Variants in MYBL1 observed in about 807,000 individuals in gnomAD.
The protein encoded by MYBL1 is MYB proto-oncogene like 1.
Under a neutral mutation model 96.3 loss-of-function variants are expected in MYBL1, and 17 were observed. That is an observed-to-expected ratio of 0.18 (90% CI 0.12 to 0.26). The LOEUF (loss-of-function observed/expected upper bound fraction) is 0.26. MYBL1 is among the 10% of genes least tolerant of loss of function. The probability of loss-of-function intolerance (pLI) is 1.00; values close to 1 mark genes in which losing one functional copy is unlikely to be tolerated. For synonymous variants in MYBL1, 282 were observed against 292.7 expected (o/e 0.96, Z 0.37); for missense variants, 701 against 882.9 (o/e 0.79, Z 2.61).
rs753844511 is a variant in MYBL1 at position 66,613,009 on chromosome 8, G to C, written c.-171C>G. On this transcript the variant is annotated 5_prime_UTR_variant, in exon 1 of 16. Transcript: ENST00000522677. ...AGGGCAGGACGGAGGGACAGCGGGGGCGGACCGCGACCCGACCCCGACCCC... is the reference window on the plus strand; with the variant it reads ...AGGGCAGGACGGAGGGACAGCGGGGCCGGACCGCGACCCGACCCCGACCCC... 1 of 740,498 alleles carries C rather than the reference G, an allele frequency of 1.4e-6. No homozygotes were observed. Among genetic ancestry groups the C allele is most frequent in the African/African-American group, 1.8e-5 (1 of 54,988 alleles). 45.9% of individuals were successfully genotyped at this position (740,498 alleles called of 1,614,324 possible).
chr8:66,601,399 C>G (rs1404573450), intron 3 of MYBL1, among the ~76,000 whole-genome samples: 1 of 151,958 alleles, frequency 6.6e-6, no homozygotes, highest in African/African-American at 2.4e-5. Context: ...ATATTTCTCA[C>G]AGAATGTTTT....
intron 8 of MYBL1, among the ~76,000 whole-genome samples, chr8:66,582,339 G>GA (rs1490179316): frequency 1.3e-5 from 2 of 151,820 alleles, no homozygotes; most frequent in Non-Finnish European, 2.9e-5. Flanking sequence ...TAAAAGGATG[G>GA]AAAAAGATAT....
intron 9 of MYBL1, 45 bp downstream of exon 9, chr8:66,580,088 A>G (rs1563534649): frequency 2.2e-6 from 3 of 1,378,628 alleles, no homozygotes; most frequent in Admixed American, 2.0e-5. Context: ...ATGAAATCAT[A>G]TAACTAAAAT....
chr8:66,601,789 A>C lies in MYBL1; in HGVS notation c.127-20T>G. ...ATCATCCTATTAAAACAGTACAAAA[A>C]TTAGAAAGCTTTCCCCCCGTCCTTT... On this transcript the variant is annotated intron_variant, in intron 2 of 15. Transcript: ENST00000522677. 2 of 1,355,060 alleles carry C rather than the reference A, an allele frequency of 1.5e-6. No individual in the cohort carries two copies. Among genetic ancestry groups the C allele is most frequent in the South Asian group, 1.3e-5 (1 of 75,064 alleles). The allele number at this position is 1,355,060 out of a possible 1,614,324, so 83.9% of individuals were successfully genotyped here.
rs933140796 is a variant in MYBL1 at position 66,613,099 on chromosome 8, G to A, written c.-261C>T. 9 of 404,780 alleles carry A rather than the reference G, an allele frequency of 2.2e-5. No individual in the cohort carries two copies. Among genetic ancestry groups the A allele is most frequent in the Middle Eastern group, 3.4e-4 (1 of 2,952 alleles). The allele number at this position is 404,780 out of a possible 1,614,324, so 25.1% of individuals were successfully genotyped here. A position where few individuals can be genotyped will look rare whatever the true frequency, so the allele number is the denominator to read the frequency against. ...AGGGATACCCCCAACATGTCAGGAG[G>A]CGCGATCCCGCCCTCCGCCGGCTTC... is the stretch of plus-strand genomic sequence containing the variant. On this transcript the variant is annotated 5_prime_UTR_variant, in exon 1 of 16. Transcript: ENST00000522677.
At chr8:66,611,952 G>A (rs1486132330) in intron 1 of MYBL1, among the ~76,000 whole-genome samples, 1 of 152,130 alleles carries the variant, frequency 6.6e-6, no homozygotes, top group Non-Finnish European at 1.5e-5. Flanking sequence ...CTGAAAATCG[G>A]AAGACATCCT....
At chr8:66,601,796 A>C in intron 2 of MYBL1, 27 bp from the exon 3 acceptor site, 1 of 1,278,436 alleles carries the variant, frequency 7.8e-7, no homozygotes, top group Non-Finnish European at 1.1e-6. Flanking sequence ...AAAATTAGAA[A>C]GCTTTCCCCC....
chr8:66,566,274 C>A, intron 14 of MYBL1, 31 bp from the exon 15 acceptor site: 1 of 1,339,146 alleles, frequency 7.5e-7, no homozygotes, highest in Non-Finnish European at 1.0e-6. Context: ...AGGAAAATAA[C>A]TAATTCAAAA....
intron 8 of MYBL1, among the ~76,000 whole-genome samples, chr8:66,584,974 T>C (rs1809355422): frequency 6.6e-6 from 1 of 152,152 alleles, no homozygotes; most frequent in African/African-American, 2.4e-5. Context: ...AAAAGTAATC[T>C]ACGGTTCAGT....
At chr8:66,577,834 C>T (rs1447209658) in intron 9 of MYBL1, among the ~76,000 whole-genome samples, 1 of 152,150 alleles carries the variant, frequency 6.6e-6, no homozygotes, top group Admixed American at 6.5e-5. Context: ...AACTATACTA[C>T]AAGGCTACAG....
chr8:66,601,848 T>A (rs1205300112), intron 2 of MYBL1, 79 bp from the exon 3 acceptor site: 5 of 643,854 alleles, frequency 7.8e-6, no homozygotes, highest in African/African-American at 7.5e-5. Context: ...ACTCTCCAAT[T>A]CTATTAAGGA....
In MYBL1 at chr8:66,592,535, T is replaced by C; in HGVS notation, c.772A>G (p.Ile258Val). Reference protein sequence around the residue: ...PTSAFIQQPFIDEDPDKEKKI... With the variant: ...PTSAFIQQPFVDEDPDKEKKI... ...TTTTCCTTATCAGGATCTTCATCAA[T>C]GAAGGGTTGCTAAAATAAGTTAAAT... The change falls in exon 8 of 16, where the codon ATT becomes GTT. Residue 258 changes from isoleucine (I) to valine (V), a missense_variant. Transcript: ENST00000522677. 1 of 1,582,562 alleles carries C rather than the reference T, an allele frequency of 6.3e-7. No individual in the cohort carries two copies. Among genetic ancestry groups the C allele is most frequent in the Non-Finnish European group, 8.6e-7 (1 of 1,167,600 alleles).
At position 66,564,565 on chromosome 8, in the gene MYBL1, A is replaced by G. The variant is rs941087182; in HGVS notation, c.*132T>C. ...TAGCTTTCTGCCTACTATATAGAAT[A>G]GAAAAAAGATGCTGTATTAAAAGGG... On this transcript the variant is annotated 3_prime_UTR_variant, in exon 16 of 16. Transcript: ENST00000522677. 1.7e-6 allele frequency: 1 copy of G among 601,320 alleles called. No individual in the cohort carries two copies. The allele number at this position is 601,320 out of a possible 1,614,324, so 37.2% of individuals were successfully genotyped here.
chr8:66,579,312 G>C (rs943644704), intron 9 of MYBL1, among the ~76,000 whole-genome samples: 7 of 151,542 alleles, frequency 4.6e-5, no homozygotes, highest in Non-Finnish European at 7.4e-5. Context: ...ATAATAGTTG[G>C]GTAAATATAT....
chr8:66,593,283 A>G lies in MYBL1; in HGVS notation c.688-89T>C, dbSNP rs1013746426. 2.7e-5 allele frequency: 21 copies of G among 770,556 alleles called. No individual in the cohort carries two copies. In the Admixed American group the frequency reaches 5.8e-4, roughly 21 times the overall value. The allele number at this position is 770,556 out of a possible 1,614,324, so 47.7% of individuals were successfully genotyped here. On this transcript the variant is annotated intron_variant, in intron 6 of 15. Coordinates refer to ENST00000522677, the MANE Select transcript of MYBL1 (RefSeq NM_001080416.4). ...AAATGACAAAAACTTTTGACACAGT[A>G]TCAATATAAAAAACTTAGAAAGTAC...
chr8:66,610,045 A>G (rs1390052897), intron 1 of MYBL1, among the ~76,000 whole-genome samples: 1 of 152,064 alleles, frequency 6.6e-6, no homozygotes, highest in Admixed American at 6.5e-5. Context: ...TAGTGTAGTC[A>G]TAGGTCATCT....
intron 8 of MYBL1, among the ~76,000 whole-genome samples, chr8:66,587,903 T>C (rs1005089097): frequency 2.6e-5 from 4 of 152,140 alleles, no homozygotes; most frequent in African/African-American, 9.7e-5. Flanking sequence ...ATGGTAACTA[T>C]TACTACTAAA....
intron 12 of MYBL1, among the ~76,000 whole-genome samples, chr8:66,568,046 C>CAAA (rs561036519): frequency 6.0e-5 from 4 of 66,992 alleles, no homozygotes; most frequent in African/African-American, 9.8e-5. Flanking sequence ...GACTCCGTCT[C>CAAA]AAAAAAAAAA....
rs1416433997 is a variant in MYBL1, at chr8:66,571,274, G to A, written c.1728+1208C>T. On this transcript the variant is annotated intron_variant, in intron 12 of 15. Transcript: ENST00000522677. The stretch of plus-strand genomic sequence containing the variant: ...GAACACTTCCCAGTCCTATTCATTC[G>A]TGAACTACTACCACAAATACTATTA... 5.9e-5 allele frequency among the ~76,000 whole-genome samples: 9 copies of A among 152,108 alleles called. No individual in the cohort carries two copies. The East Asian group carries it at 1.7e-3, about 29-fold the overall frequency.
Sources: gnomAD v4.1 joint callset for allele counts (sites outside exome capture counted in the v4.1 genomes callset) on GRCh38, gnomAD v4.1.1 for gene constraint, MANE v1.5 for transcripts, NCBI Gene and HGNC (gene_info 2026-07-23, HGNC 2026-07-21) for gene names.